The following PTPRN2 variants were observed in gnomAD, a reference collection of about 807,000 sequenced individuals.
PTPRN2 encodes receptor-type tyrosine-protein phosphatase N2.
A neutral mutation model predicts 118.8 loss-of-function variants in PTPRN2; 74 were observed. The ratio of observed to expected loss-of-function variants is 0.62; its 90% CI spans 0.52 to 0.76. The LOEUF is 0.76. Ranked by LOEUF, PTPRN2 falls within the 30% of genes least tolerant of loss-of-function variation. The pLI, the probability that PTPRN2 is intolerant of heterozygous loss-of-function variation, is 0.00. For synonymous variants in PTPRN2, 641 were observed against 608.0 expected, an observed-to-expected ratio of 1.05 and a Z score of -0.80; for missense variants, 1,481 against 1,394.4, an observed-to-expected ratio of 1.06 and a Z score of -0.99.
chr7:157,836,978 T>C (rs1018572748), intron 12 of PTPRN2, among the ~76,000 whole-genome samples: 40 of 140,616 alleles, frequency 2.8e-4, no homozygotes, highest in Non-Finnish European at 5.6e-4. Context: ...TGTCCACACG[T>C]CTGCCCTTCC....
chr7:157,939,378 T>C (rs1799910284), intron 11 of PTPRN2, among the ~76,000 whole-genome samples: 1 of 152,252 alleles, frequency 6.6e-6, no homozygotes, highest in Non-Finnish European at 1.5e-5. Context: ...TGGGCCATTC[T>C]GTTGCCACAG....
chr7:157,762,381 T>G (rs1481905232), intron 12 of PTPRN2, among the ~76,000 whole-genome samples: 1 of 152,060 alleles, frequency 6.6e-6, no homozygotes, highest in Non-Finnish European at 1.5e-5. Flanking sequence ...TAAGAAAATG[T>G]GGCACATATA....
chr7:158,059,411 C>T (rs1422101518), intron 11 of PTPRN2, among the ~76,000 whole-genome samples: 1 of 124,148 alleles, frequency 8.1e-6, no homozygotes, highest in Non-Finnish European at 1.6e-5. Flanking sequence ...CACATCACTG[C>T]AGCCACACTC....
intron 12 of PTPRN2, among the ~76,000 whole-genome samples, chr7:157,832,509 C>T (rs138344816): frequency 3.7e-4 from 57 of 152,318 alleles, no homozygotes; most frequent in African/African-American, 1.3e-3. Flanking sequence ...GTTTCACCCA[C>T]GCTTTGCCTG....
chr7:158,252,350 G>T (rs1468549389), intron 3 of PTPRN2, among the ~76,000 whole-genome samples: 2 of 152,190 alleles, frequency 1.3e-5, no homozygotes, highest in African/African-American at 4.8e-5. Flanking sequence ...GCCCAGGGTG[G>T]TGAGTGGTGT....
At chr7:157,714,959 G>C (rs948092364) in intron 12 of PTPRN2, among the ~76,000 whole-genome samples, 3 of 140,098 alleles carry the variant, frequency 2.1e-5, no homozygotes, top group Non-Finnish European at 3.1e-5. Context: ...CCCGCTTTCC[G>C]AGGCCAGCTC....
At chr7:158,334,536 C>T in intron 2 of PTPRN2, among the ~76,000 whole-genome samples, 1 of 112,702 alleles carries the variant, frequency 8.9e-6, no homozygotes, top group South Asian at 3.4e-4. Flanking sequence ...CTGCAGACGT[C>T]ACTCACACCC....
Position 158,125,230 on chromosome 7 carries a change from C to T in PTPRN2, c.1556+8447G>A, listed in dbSNP as rs370114339. On this transcript the variant is annotated intron_variant, in intron 9 of 22. Coordinates refer to ENST00000389418, the MANE Select transcript of PTPRN2 (RefSeq NM_002847.5). The stretch of plus-strand genomic sequence containing the variant: ...TGCCTGAAGTCCCTCCCAGGGCTGC[C>T]CCCCTGTCTCGAGTCCCTCCCAGGG... 7.8e-3 allele frequency among the ~76,000 whole-genome samples: 1,040 copies of T among 133,250 alleles called. 12 individuals are homozygous for T. The highest frequency in any genetic ancestry group is 0.027 in the African/African-American group (976 of 36,564). 87.4% of individuals were successfully genotyped at this position (133,250 alleles called of 152,430 possible). A position where few individuals can be genotyped will look rare whatever the true frequency, so the allele number is the denominator to read the frequency against.
rs1317784119 is a variant in PTPRN2 at position 157,765,144 on chromosome 7, A to AC, written c.1789-82208_1789-82207insG. Among the ~76,000 whole-genome samples, 115 of 146,838 alleles carry AC rather than the reference A, an allele frequency of 7.8e-4. 1 individual carries two copies. Among genetic ancestry groups the AC allele is most frequent in the African/African-American group, 2.8e-3 (110 of 39,328 alleles). On this transcript the variant is annotated intron_variant, in intron 12 of 22. Coordinates refer to ENST00000389418, the MANE Select transcript of PTPRN2 (RefSeq NM_002847.5). The stretch of plus-strand genomic sequence containing the variant: ...TCCACTCACTCCCCATCCATCCTTC[A>AC]TCCATCCATCCATCCTTCTTTTATC...
rs1314959357 is a variant in PTPRN2 at position 157,944,509 on chromosome 7, GAA to G, written c.1724-45774_1724-45773del. On this transcript the variant is annotated intron_variant, in intron 11 of 22. Transcript: ENST00000389418. This position sits in a 1 kb window ranked among gnomAD's most constrained non-coding sequence, Gnocchi z 4.3. ...TTCTTCTTTTTAAAAAAGTTTCATG[GAA>G]AAAGCTTCCTGCAAGCATCCGCACT... Among the ~76,000 whole-genome samples, 2 of 152,170 alleles carry G rather than the reference GAA, an allele frequency of 1.3e-5. No individual in the cohort carries two copies. The highest frequency in any genetic ancestry group is 2.9e-5 in the Non-Finnish European group (2 of 68,032).
At chr7:158,162,642 A>ACTGCACGTCACCTGCTGTC (rs1822461753) in intron 6 of PTPRN2, among the ~76,000 whole-genome samples, 1 of 151,064 alleles carries the variant, frequency 6.6e-6, no homozygotes, top group African/African-American at 2.4e-5. Flanking sequence ...TTCACCGGCC[A>ACTGCACGTCACCTGCTGTC]CTGCACGTCA....
At chr7:158,083,239 T>C (rs1320172825) in intron 10 of PTPRN2, among the ~76,000 whole-genome samples, 1 of 152,164 alleles carries the variant, frequency 6.6e-6, no homozygotes, top group African/African-American at 2.4e-5. Context: ...TGCCACGGCC[T>C]CACCCACGCA....
At chr7:157,840,977 G>A (rs1446269855) in intron 12 of PTPRN2, among the ~76,000 whole-genome samples, 2 of 152,210 alleles carry the variant, frequency 1.3e-5, no homozygotes, top group African/African-American at 2.4e-5. Flanking sequence ...CTCTCTCAAC[G>A]TCCAGTCTGC....
intron 1 of PTPRN2, among the ~76,000 whole-genome samples, chr7:158,532,527 G>A (rs573190299): frequency 1.1e-4 from 17 of 152,284 alleles, no homozygotes; most frequent in African/African-American, 2.6e-4. Flanking sequence ...AAGTTGGAGC[G>A]TGGTGGACCG....
In PTPRN2 at chr7:157,812,748, G is replaced by A. The variant is rs547985449; in HGVS notation, c.1788+85925C>T. On this transcript the variant is annotated intron_variant, in intron 12 of 22. Transcript: ENST00000389418. ...ATTTAACGTATAGCCAAGGAGGCCC[G>A]TGATTTCACCTGTCTGACCCACCAC... Among the ~76,000 whole-genome samples, 22 of 152,218 alleles carry A rather than the reference G, an allele frequency of 1.4e-4. No homozygotes were observed. The South Asian group carries it at 1.7e-3, about 12-fold the overall frequency.
intron 3 of PTPRN2, among the ~76,000 whole-genome samples, chr7:158,260,632 G>C (rs149226873): frequency 6.6e-6 from 1 of 152,192 alleles, no homozygotes. Context: ...TGATAGTAAG[G>C]TTAAAATCCC....
chr7:157,609,106 G>A lies in PTPRN2; in HGVS notation c.2345-5031C>T, dbSNP rs1481104347. Among the ~76,000 whole-genome samples, 2 of 152,192 alleles carry A rather than the reference G, an allele frequency of 1.3e-5. No individual in the cohort carries two copies. The highest frequency in any genetic ancestry group is 2.9e-5 in the Non-Finnish European group (2 of 68,038). On this transcript the variant is annotated intron_variant, in intron 15 of 22. Coordinates refer to ENST00000389418, the MANE Select transcript of PTPRN2 (RefSeq NM_002847.5). This position sits in a 1 kb window ranked among gnomAD's most constrained non-coding sequence, Gnocchi z 4.9. ...CCTTGTTCAACAATATTTCAGGCCG[G>A]CCGCGGTGGCTCACACCTATAATCC...
At chr7:158,527,067 G>A (rs958862799) in intron 1 of PTPRN2, among the ~76,000 whole-genome samples, 2 of 152,148 alleles carry the variant, frequency 1.3e-5, no homozygotes, top group South Asian at 2.1e-4. Flanking sequence ...GAGTCGAGAC[G>A]TGCGCAGAAA....
intron 12 of PTPRN2, among the ~76,000 whole-genome samples, chr7:157,892,706 GA>G (rs201480634): frequency 2.9e-4 from 44 of 151,236 alleles, no homozygotes; most frequent in Admixed American, 7.2e-4. Context: ...ATTAAAATTA[GA>G]AAAAAAAATC....
Sources: allele counts gnomAD v4.1 joint callset (sites outside exome capture counted in the v4.1 genomes callset), GRCh38; gene constraint gnomAD v4.1.1; non-coding constraint Gnocchi (gnomAD v3.1); transcripts MANE v1.5; gene names NCBI Gene and HGNC (gene_info 2026-07-23, HGNC 2026-07-21).